DNAJC24: variants seen among roughly 807,000 people sequenced by gnomAD.
DNAJC24 encodes the protein DnaJ heat shock protein family (Hsp40) member C24.
Under a neutral mutation model 18.0 loss-of-function variants are expected in DNAJC24, and 17 were observed. The ratio of observed to expected loss-of-function variants is 0.94; its 90% CI spans 0.65 to 1.42. The LOEUF is 1.42. Among genes scored for constraint, DNAJC24 ranks in the 40% most tolerant of loss-of-function variants. The probability of loss-of-function intolerance (pLI) is 0.00; values close to 1 mark genes in which losing one functional copy is unlikely to be tolerated. For missense variants in DNAJC24, 158 were observed against 175.6 expected, an observed-to-expected ratio of 0.90 and a Z score of 0.57; for synonymous variants, 55 against 57.7, an observed-to-expected ratio of 0.95 and a Z score of 0.21.
At chr11:31,408,309 G>A (rs1952675174) in intron 2 of DNAJC24, 6 of 407,544 alleles carry the variant, frequency 1.5e-5, no homozygotes, top group South Asian at 1.1e-4. Context: ...AGATTCTGGA[G>A]TCCTCCCTCT....
rs1952229314 is a variant in DNAJC24, at chr11:31,370,857, A to G, written c.109A>G (p.Met37Val). The G allele has an allele frequency of 1.3e-6, 2 of 1,570,356 alleles. No individual in the cohort carries two copies. Among genetic ancestry groups the G allele is most frequent in the East Asian group, 2.2e-5 (1 of 44,470 alleles). Reference sequence around the variant, plus strand: ...ACAAAAATATCAAAAACTCATATTAATGGTAAGTCTTTTCTTTCAGATTTT... The same window carrying G: ...ACAAAAATATCAAAAACTCATATTAGTGGTAAGTCTTTTCTTTCAGATTTT... ...LKQKYQKLIL[M>V]YHPDKQSTDV... The change falls in exon 2 of 5, where the codon ATG becomes GTG. Residue 37 changes from methionine (M) to valine (V), a missense_variant and splice_region_variant. Coordinates refer to ENST00000465995, the MANE Select transcript of DNAJC24 (RefSeq NM_181706.5).
intron 2 of DNAJC24, among the ~76,000 whole-genome samples, chr11:31,376,180 A>G (rs1384263883): frequency 6.6e-6 from 1 of 152,194 alleles, no homozygotes; most frequent in Non-Finnish European, 1.5e-5. Context: ...GCTGCCATGT[A>G]AGACATGCTT....
chr11:31,384,895 G>A (rs1032774594), intron 2 of DNAJC24: 13 of 152,142 alleles, frequency 8.5e-5, no homozygotes, highest in Non-Finnish European at 1.5e-4. Flanking sequence ...TTAAAGGAAA[G>A]TATCTGAAAA....
In DNAJC24 at chr11:31,379,906, C is replaced by T. The variant is rs144717540; in HGVS notation, c.111+9047C>T. ...CCAAGTAGCTGGGATTACAGGCGCC[C>T]GCTACCACACTCAGCTAATTTTTTT... On this transcript the variant is annotated intron_variant, in intron 2 of 4. Transcript: ENST00000465995. Among the ~76,000 whole-genome samples, 879 of 151,926 alleles carry T rather than the reference C, an allele frequency of 5.8e-3. 5 individuals carry two copies. Among genetic ancestry groups the T allele is most frequent in the African/African-American group, 0.02 (833 of 41,412 alleles).
intron 2 of DNAJC24, chr11:31,396,350 A>G (rs1952542621): frequency 4.4e-6 from 2 of 449,660 alleles, no homozygotes; most frequent in Admixed American, 2.4e-5. Context: ...CTTCACTTAC[A>G]AGGAAATCAA....
chr11:31,385,113 A>G (rs1280693124), intron 2 of DNAJC24: 4 of 152,218 alleles, frequency 2.6e-5, no homozygotes, highest in Non-Finnish European at 4.4e-5. Flanking sequence ...AGTTTTAAAC[A>G]TTTATCACAA....
At chr11:31,394,679 A>G (rs1564950791) in intron 2 of DNAJC24, among the ~76,000 whole-genome samples, 2 of 152,082 alleles carry the variant, frequency 1.3e-5, no homozygotes, top group African/African-American at 2.4e-5. Context: ...GTTAGAATCT[A>G]TGAAATACAG....
chr11:31,386,207 T>C (rs768893158), intron 2 of DNAJC24, among the ~76,000 whole-genome samples: 2 of 152,022 alleles, frequency 1.3e-5, no homozygotes, highest in Admixed American at 6.5e-5. Flanking sequence ...ACACGTGTTA[T>C]GCTGGGCTCA....
chr11:31,388,679 A>C (rs961340099), intron 2 of DNAJC24, among the ~76,000 whole-genome samples: 3 of 152,232 alleles, frequency 2.0e-5, no homozygotes, highest in Non-Finnish European at 4.4e-5. Flanking sequence ...CTGAAGGTAC[A>C]AAATTCACCG....
intron 2 of DNAJC24, among the ~76,000 whole-genome samples, chr11:31,392,733 G>A (rs1012470253): frequency 1.4e-5 from 2 of 143,646 alleles, no homozygotes; most frequent in Non-Finnish European, 3.0e-5. Flanking sequence ...TTTTTGAGAC[G>A]GAGTCTTGCT....
At chr11:31,394,867 C>CA (rs1952530441) in intron 2 of DNAJC24, among the ~76,000 whole-genome samples, 1 of 151,500 alleles carries the variant, frequency 6.6e-6, no homozygotes, top group Admixed American at 6.6e-5. Context: ...CATTAAAATA[C>CA]AAAAAAAAGT....
At chr11:31,423,194 C>G (rs1952825346) in intron 3 of DNAJC24, among the ~76,000 whole-genome samples, 1 of 152,168 alleles carries the variant, frequency 6.6e-6, no homozygotes, top group South Asian at 2.1e-4. Context: ...GTGCATAAAT[C>G]TAAGTGTGTA....
intron 2 of DNAJC24, among the ~76,000 whole-genome samples, chr11:31,400,284 T>C (rs887238877): frequency 1.3e-5 from 2 of 152,194 alleles, no homozygotes; most frequent in East Asian, 3.9e-4. Flanking sequence ...AGTAATGGGA[T>C]TGCTGGGTCA....
chr11:31,429,018 T>A (rs1483146126), intron 4 of DNAJC24, among the ~76,000 whole-genome samples: 1 of 152,128 alleles, frequency 6.6e-6, no homozygotes, highest in East Asian at 1.9e-4. Context: ...GGAAAATCAA[T>A]GGTTAGAATA....
At chr11:31,414,982 C>T (rs201394853) in intron 3 of DNAJC24, 33 bp downstream of exon 3, 17 of 1,604,776 alleles carry the variant, frequency 1.1e-5, no homozygotes, top group East Asian at 2.2e-5. Flanking sequence ...CACAGCACAT[C>T]GGCAACTCTT....
chr11:31,383,151 A>G (rs1400510618), intron 2 of DNAJC24, among the ~76,000 whole-genome samples: 2 of 151,994 alleles, frequency 1.3e-5, no homozygotes, highest in Non-Finnish European at 2.9e-5. Context: ...ACTGTACTCC[A>G]TCCGTTTTAA....
chr11:31,391,604 C>T (rs1952496989), intron 2 of DNAJC24, among the ~76,000 whole-genome samples: 1 of 152,080 alleles, frequency 6.6e-6, no homozygotes, highest in Admixed American at 6.5e-5. Context: ...AAGACAATAA[C>T]AAATGCTGGC....
At chr11:31,390,994 A>G (rs972610031) in intron 2 of DNAJC24, among the ~76,000 whole-genome samples, 1 of 152,128 alleles carries the variant, frequency 6.6e-6, no homozygotes, top group Non-Finnish European at 1.5e-5. Flanking sequence ...GATTCAAAAG[A>G]TCATTCTTCG....
At chr11:31,375,697 G>A (rs959375152) in intron 2 of DNAJC24, among the ~76,000 whole-genome samples, 3 of 134,852 alleles carry the variant, frequency 2.2e-5, no homozygotes, top group African/African-American at 5.0e-5. Flanking sequence ...TGCAATAGCC[G>A]GTTTATTTGT....
Sources: allele counts gnomAD v4.1 joint callset (sites outside exome capture counted in the v4.1 genomes callset), GRCh38; gene constraint gnomAD v4.1.1; transcripts MANE v1.5; gene names NCBI Gene and HGNC (gene_info 2026-07-23, HGNC 2026-07-21).